The following VTI1A variants were observed in gnomAD, a reference collection of about 807,000 sequenced individuals.
The protein encoded by VTI1A is vesicle transport through interaction with t-SNAREs 1A, also known as vesicle transport through interaction with t-SNAREs homolog 1A.
In VTI1A, 22 loss-of-function variants were observed where a neutral mutation model predicts 34.9. The observed-to-expected ratio is 0.63, with a 90% CI of 0.45 to 0.90. The LOEUF (loss-of-function observed/expected upper bound fraction) is 0.90. VTI1A is among the 40% of genes least tolerant of loss of function. The probability of loss-of-function intolerance (pLI) is 0.00; values close to 1 mark genes in which losing one functional copy is unlikely to be tolerated. For synonymous variants in VTI1A, 87 were observed against 97.3 expected, an observed-to-expected ratio of 0.89 and a Z score of 0.62; for missense variants, 268 against 275.6, an observed-to-expected ratio of 0.97 and a Z score of 0.20.
intron 7 of VTI1A, among the ~76,000 whole-genome samples, chr10:112,771,182 C>A (rs59967370): frequency 0.15 from 23,109 of 152,238 alleles, 3,183 homozygotes; most frequent in African/African-American, 0.36. Context: ...GCTGTCTGAC[C>A]TTGGAGAATT....
At chr10:112,566,512 A>G (rs185869389) in intron 5 of VTI1A, among the ~76,000 whole-genome samples, 106 of 152,336 alleles carry the variant, frequency 7.0e-4, no homozygotes, top group Middle Eastern at 3.4e-3. Context: ...GGCAGATTCT[A>G]GAAACTGCTC....
At chr10:112,646,652 G>T (rs979614755) in intron 5 of VTI1A, among the ~76,000 whole-genome samples, 1 of 152,036 alleles carries the variant, frequency 6.6e-6, no homozygotes, top group African/African-American at 2.4e-5. Flanking sequence ...GGGATTACAG[G>T]AGTGTGCCAC....
At chr10:112,846,167 AT>A in the VTI1A span, among the ~76,000 whole-genome samples, 2 of 152,146 alleles carry the variant, frequency 1.3e-5, no homozygotes, top group Non-Finnish European at 2.9e-5. Flanking sequence ...CCTGTTCACC[AT>A]TTATTTTGGG....
At chr10:112,574,523 T>G (rs191323077) in intron 5 of VTI1A, among the ~76,000 whole-genome samples, 2 of 152,366 alleles carry the variant, frequency 1.3e-5, no homozygotes, top group East Asian at 3.9e-4. Context: ...AGACCTGGAT[T>G]TAAATCCCAG....
chr10:112,790,965 A>T (rs1441426494), intron 7 of VTI1A, among the ~76,000 whole-genome samples: 1 of 151,808 alleles, frequency 6.6e-6, no homozygotes. Flanking sequence ...AATCCCAAAG[A>T]CCCCTCCTCA....
intron 3 of VTI1A, among the ~76,000 whole-genome samples, chr10:112,523,912 T>C (rs1405812540): frequency 1.3e-5 from 2 of 152,152 alleles, no homozygotes; most frequent in Non-Finnish European, 2.9e-5. Context: ...TTTATACCGT[T>C]GATAATAAAG....
intron 7 of VTI1A, among the ~76,000 whole-genome samples, chr10:112,679,692 A>T (rs1016369259): frequency 6.6e-6 from 1 of 152,048 alleles, no homozygotes; most frequent in African/African-American, 2.4e-5. Flanking sequence ...CTGTGCAATT[A>T]TAGTTTACCT....
chr10:112,784,665 G>C (rs114046416), intron 7 of VTI1A, among the ~76,000 whole-genome samples: 177 of 152,276 alleles, frequency 1.2e-3, no homozygotes, highest in African/African-American at 4.1e-3. Flanking sequence ...TACTTAGCCT[G>C]TTCACAAAAG....
chr10:112,696,829 G>T (rs554555659), intron 7 of VTI1A, among the ~76,000 whole-genome samples: 1 of 152,110 alleles, frequency 6.6e-6, no homozygotes, highest in Admixed American at 6.6e-5. Context: ...ACTGAGCTGC[G>T]TGAAGAAATC....
At chr10:112,488,692 T>C in intron 3 of VTI1A, among the ~76,000 whole-genome samples, 1 of 152,194 alleles carries the variant, frequency 6.6e-6, no homozygotes, top group Non-Finnish European at 1.5e-5. Flanking sequence ...CTCTAATTTC[T>C]CTGGTCTTCA....
chr10:112,854,475 C>T, the VTI1A span, among the ~76,000 whole-genome samples: 1 of 152,150 alleles, frequency 6.6e-6, no homozygotes, highest in South Asian at 2.1e-4. Flanking sequence ...GAGGGGAGGC[C>T]ACCATGACCC....
chr10:112,650,297 C>A (rs967601795), intron 5 of VTI1A, among the ~76,000 whole-genome samples: 2 of 152,128 alleles, frequency 1.3e-5, no homozygotes, highest in African/African-American at 4.8e-5. Context: ...TAAGCCTACA[C>A]ATGGTCAGGA....
intron 7 of VTI1A, among the ~76,000 whole-genome samples, chr10:112,684,931 C>T (rs551555596): frequency 3.3e-4 from 50 of 152,164 alleles, no homozygotes; most frequent in Admixed American, 2.5e-3. Context: ...TTGGGCTGGC[C>T]GTAATATTTT....
intron 7 of VTI1A, among the ~76,000 whole-genome samples, chr10:112,729,754 G>A (rs1198932544): frequency 2.0e-5 from 3 of 152,196 alleles, no homozygotes; most frequent in Admixed American, 6.5e-5. Context: ...ATACAGTCAG[G>A]TGGGCACTCC....
intron 3 of VTI1A, among the ~76,000 whole-genome samples, chr10:112,471,574 C>A (rs962014476): frequency 4.3e-4 from 65 of 151,950 alleles, no homozygotes; most frequent in African/African-American, 1.6e-3. Context: ...AATCGAGTAA[C>A]TAAGCACCCG....
intron 5 of VTI1A, among the ~76,000 whole-genome samples, chr10:112,551,143 C>G (rs1230914823): frequency 6.7e-6 from 1 of 148,524 alleles, no homozygotes; most frequent in Non-Finnish European, 1.5e-5. Context: ...ACTCCGGAGG[C>G]TGAGGCAGGA....
intron 7 of VTI1A, among the ~76,000 whole-genome samples, chr10:112,780,318 AAAT>A (rs1852087648): frequency 8.3e-6 from 1 of 121,172 alleles, no homozygotes; most frequent in African/African-American, 2.8e-5. Flanking sequence ...ATAAATAAAT[AAAT>A]AAAATAATAA....
chr10:112,570,278 C>T (rs922838045), intron 5 of VTI1A, among the ~76,000 whole-genome samples: 3 of 151,958 alleles, frequency 2.0e-5, no homozygotes, highest in African/African-American at 7.3e-5. Context: ...TGATAGCTGC[C>T]TGAAGGTTGC....
chr10:112,547,077 G>C (rs2134283565), intron 5 of VTI1A, among the ~76,000 whole-genome samples: 2 of 152,170 alleles, frequency 1.3e-5, no homozygotes, highest in South Asian at 4.1e-4. Context: ...CCCAGGAGTT[G>C]GATACCAGCC....
Sources: gnomAD v4.1 joint callset for allele counts (sites outside exome capture counted in the v4.1 genomes callset) on GRCh38, gnomAD v4.1.1 for gene constraint, MANE v1.5 for transcripts, NCBI Gene and HGNC (gene_info 2026-07-23, HGNC 2026-07-21) for gene names.